ASAP1: variants seen among roughly 807,000 people sequenced by gnomAD.
ASAP1 encodes the protein arf-GAP with SH3 domain, ANK repeat and PH domain-containing protein 1.
In ASAP1, 43 loss-of-function variants were observed where a neutral mutation model predicts 145.2. The observed-to-expected ratio is 0.30, with a 90% confidence interval of 0.23 to 0.38. The LOEUF (loss-of-function observed/expected upper bound fraction) is 0.38. ASAP1 is among the 10% of genes least tolerant of loss of function. ASAP1 has a pLI of 1.00. For synonymous variants in ASAP1, 546 were observed against 515.5 expected (o/e 1.06, Z -0.80); for missense variants, 1,018 against 1,355.3 (o/e 0.75, Z 3.91).
chr8:130,087,020 A>G (rs903390133), intron 25 of ASAP1, among the ~76,000 whole-genome samples: 2 of 152,072 alleles, frequency 1.3e-5, no homozygotes, highest in Non-Finnish European at 2.9e-5. Flanking sequence ...TGCAACATCT[A>G]CTTCCTTCTT....
chr8:130,215,481 C>T (rs183155758), intron 4 of ASAP1, among the ~76,000 whole-genome samples: 114 of 152,176 alleles, frequency 7.5e-4, no homozygotes, highest in Non-Finnish European at 1.1e-3. Flanking sequence ...CGGTGGCTCA[C>T]GCCTATAATC....
intron 2 of ASAP1, among the ~76,000 whole-genome samples, chr8:130,399,872 T>C (rs1346329306): frequency 7.5e-6 from 1 of 134,106 alleles, no homozygotes; most frequent in Admixed American, 8.0e-5. Flanking sequence ...GCTGGAGTAG[T>C]ACAATGGCGC....
chr8:130,340,623 A>G (rs769766985), intron 3 of ASAP1, among the ~76,000 whole-genome samples: 1 of 152,230 alleles, frequency 6.6e-6, no homozygotes, highest in Non-Finnish European at 1.5e-5. Flanking sequence ...TAAAAAGGCT[A>G]TAACGTCTAA....
intron 3 of ASAP1, among the ~76,000 whole-genome samples, chr8:130,260,014 C>T (rs1426181914): frequency 2.6e-5 from 4 of 152,184 alleles, no homozygotes; most frequent in East Asian, 3.8e-4. Context: ...AATATGTTAA[C>T]TTCCTATTCT....
At chr8:130,404,501 C>T (rs1385240355) in intron 1 of ASAP1, among the ~76,000 whole-genome samples, 3 of 152,212 alleles carry the variant, frequency 2.0e-5, no homozygotes, top group Non-Finnish European at 2.9e-5. Flanking sequence ...ACCTCCAGAA[C>T]CCAACTTTAC....
intron 1 of ASAP1, among the ~76,000 whole-genome samples, chr8:130,404,030 T>C (rs992142301): frequency 6.6e-6 from 1 of 152,220 alleles, no homozygotes; most frequent in African/African-American, 2.4e-5. Flanking sequence ...GATTAGATCA[T>C]GGAATTTATC....
intron 2 of ASAP1, among the ~76,000 whole-genome samples, chr8:130,364,406 A>G (rs1435821046): frequency 1.3e-5 from 2 of 152,254 alleles, no homozygotes; most frequent in Non-Finnish European, 2.9e-5. Context: ...AATATAAAGC[A>G]GGTACTGTAT....
chr8:130,128,003 T>C lies in ASAP1; in HGVS notation c.1305A>G (p.Glu435=). The C allele has an allele frequency of 6.2e-7, 1 of 1,614,140 alleles. No individual in the cohort carries two copies. The highest frequency in any genetic ancestry group is 1.1e-5 in the South Asian group (1 of 91,070). The change falls in exon 16 of 30, where the codon GAA becomes GAG. Residue 435 remains glutamate, a synonymous_variant. Transcript: ENST00000518721. The part of the protein sequence containing the change: ...GEQSAGENSL[E]DLTKAIIEDV... ...CCTCAATAATGGCTTTTGTCAGGTCTTCCAGGCTGTTCTCTCCCGCACTCT... is the reference window on the plus strand; with the variant it reads ...CCTCAATAATGGCTTTTGTCAGGTCCTCCAGGCTGTTCTCTCCCGCACTCT...
chr8:130,246,128 C>A (rs139316011), intron 3 of ASAP1, among the ~76,000 whole-genome samples: 1 of 152,032 alleles, frequency 6.6e-6, no homozygotes, highest in Admixed American at 6.6e-5. Flanking sequence ...ACATGTAACA[C>A]GGGCAAAAGG....
chr8:130,167,515 G>A, intron 11 of ASAP1, 21 bp downstream of exon 11: 1 of 1,598,226 alleles, frequency 6.3e-7, no homozygotes, highest in Middle Eastern at 1.7e-4. Flanking sequence ...TAGCCCTGTT[G>A]TAAACATGTA....
At chr8:130,168,932 A>T in intron 10 of ASAP1, 60 bp downstream of exon 10, 1 of 1,034,482 alleles carries the variant, frequency 9.7e-7, no homozygotes, top group Admixed American at 2.4e-5. Flanking sequence ...CAGATTTCAA[A>T]TTTACTGAAA....
At chr8:130,113,588 A>G (rs1277885946) in intron 23 of ASAP1, among the ~76,000 whole-genome samples, 6 of 152,218 alleles carry the variant, frequency 3.9e-5, no homozygotes, top group East Asian at 1.9e-4. Context: ...TGTCCAATAC[A>G]TAGGCAATCA....
chr8:130,327,179 TAA>T lies in ASAP1; in HGVS notation c.186+30836_186+30837del, dbSNP rs141650174. On this transcript the variant is annotated intron_variant, in intron 3 of 29. Transcript: ENST00000518721. ...AATTCTCCCTGCACTCCAGTTCCTC[TAA>T]GAGTTGTCCTTGGATTTGAGTGTTG... 7.8e-3 allele frequency among the ~76,000 whole-genome samples: 1,184 copies of T among 152,326 alleles called. 15 individuals carry two copies. Among genetic ancestry groups the T allele is most frequent in the African/African-American group, 0.027 (1,137 of 41,580 alleles).
At chr8:130,304,710 C>T (rs1040506869) in intron 3 of ASAP1, among the ~76,000 whole-genome samples, 6 of 152,322 alleles carry the variant, frequency 3.9e-5, no homozygotes, top group Admixed American at 2.0e-4. Flanking sequence ...ACCTAAACTA[C>T]TTACTTCAAC....
intron 24 of ASAP1, among the ~76,000 whole-genome samples, chr8:130,104,989 A>C (rs1025957611): frequency 2.0e-5 from 3 of 152,214 alleles, no homozygotes; most frequent in Non-Finnish European, 4.4e-5. Flanking sequence ...AGTTATATCT[A>C]TCCAACTTGG....
intron 3 of ASAP1, among the ~76,000 whole-genome samples, chr8:130,334,975 T>C (rs1017327648): frequency 3.3e-5 from 5 of 152,216 alleles, no homozygotes; most frequent in African/African-American, 1.2e-4. Context: ...CTTGTCTTCA[T>C]TGCCTTCCTG....
chr8:130,349,659 C>T (rs1462790398), intron 3 of ASAP1, among the ~76,000 whole-genome samples: 2 of 152,160 alleles, frequency 1.3e-5, no homozygotes, highest in African/African-American at 4.8e-5. Context: ...GAGAGCAGTC[C>T]TACCTATCTA....
rs73427436 is a variant in ASAP1 at position 130,436,120 on chromosome 8, T to G, written c.-28+7340A>C. ...CATTAGTATATTTAAAATGAAGATA[T>G]AAAACACAAAACAGAAACCCTAAGG... On this transcript the variant is annotated intron_variant, in intron 1 of 29. Coordinates refer to ENST00000518721, the MANE Select transcript of ASAP1 (RefSeq NM_018482.4). Among the ~76,000 whole-genome samples the G allele has an allele frequency of 5.5e-3, 843 of 152,018 alleles. 7 individuals carry two copies. Among genetic ancestry groups the G allele is most frequent in the African/African-American group, 0.02 (816 of 41,434 alleles).
chr8:130,135,330 A>G (rs1248754745), intron 14 of ASAP1, among the ~76,000 whole-genome samples: 1 of 152,072 alleles, frequency 6.6e-6, no homozygotes, highest in African/African-American at 2.4e-5. Flanking sequence ...CTAGACAAAA[A>G]ATTAAAAATC....
Sources: allele counts gnomAD v4.1 joint callset (sites outside exome capture counted in the v4.1 genomes callset), GRCh38; gene constraint gnomAD v4.1.1; transcripts MANE v1.5; gene names NCBI Gene and HGNC (gene_info 2026-07-23, HGNC 2026-07-21).